FBLN2: variants seen among roughly 807,000 people sequenced by gnomAD.
FBLN2 encodes fibulin-2.
Under a neutral mutation model 123.7 loss-of-function variants are expected in FBLN2, and 81 were observed. That is an observed-to-expected ratio of 0.65 (90% CI 0.55 to 0.79). The LOEUF (loss-of-function observed/expected upper bound fraction) is 0.79, where lower values mean the gene tolerates loss of function less well. Among genes scored for constraint, FBLN2 ranks in the 30% least tolerant of loss-of-function variants. The pLI is 0.00. For synonymous variants in FBLN2, 699 were observed against 701.4 expected (o/e 1.00, Z 0.05); for missense variants, 1,603 against 1,681.3 (o/e 0.95, Z 0.81).
intron 2 of FBLN2, among the ~76,000 whole-genome samples, chr3:13,575,750 C>A (rs1402271658): frequency 6.6e-6 from 1 of 152,122 alleles, no homozygotes; most frequent in Non-Finnish European, 1.5e-5. Flanking sequence ...ACTGCATGCA[C>A]CACGCTTCTG....
chr3:13,583,377 G>T (rs888910072), intron 2 of FBLN2, among the ~76,000 whole-genome samples: 1 of 152,284 alleles, frequency 6.6e-6, no homozygotes, highest in Non-Finnish European at 1.5e-5. Context: ...ATTGTCCATG[G>T]TTCCTGAAAC....
At chr3:13,564,173 G>A (rs1354730999) in intron 1 of FBLN2, among the ~76,000 whole-genome samples, 1 of 152,168 alleles carries the variant, frequency 6.6e-6, no homozygotes, top group Non-Finnish European at 1.5e-5. Flanking sequence ...AACAGGCTGG[G>A]TGGCTGGTTT....
chr3:13,631,531 C>T, intron 16 of FBLN2, 74 bp downstream of exon 16: 1 of 1,493,282 alleles, frequency 6.7e-7, no homozygotes, highest in Non-Finnish European at 9.0e-7. Flanking sequence ...CAGAAAAGCT[C>T]ACACAGCTTG....
chr3:13,550,844 C>T (rs1388452164), intron 1 of FBLN2, among the ~76,000 whole-genome samples: 10 of 152,198 alleles, frequency 6.6e-5, no homozygotes, highest in African/African-American at 2.4e-4. Context: ...CTGCCAGCCC[C>T]GGCTGTGGCT....
rs1360203319 is a variant in FBLN2, at chr3:13,570,871, C to A, written c.516C>A (p.Tyr172Ter). The A allele has an allele frequency of 3.1e-6, 5 of 1,611,216 alleles. No individual in the cohort carries two copies. The highest frequency in any genetic ancestry group is 4.2e-6 in the Non-Finnish European group (5 of 1,179,068). Residue 172 changes from tyrosine (Y) to a stop codon, truncating the protein, a stop_gained, in exon 2 of 18, where the codon TAC becomes TAA. Transcript: ENST00000404922. LOFTEE classifies it high-confidence loss of function. ...CPDAGGELIC[Y>*]QLPGCHGNFS... is the part of the protein sequence containing the mutation. The stretch of plus-strand genomic sequence containing the variant: ...ACGCCGGTGGAGAGCTCATCTGCTA[C>A]CAGCTCCCCGGTTGCCACGGGAACT...
In FBLN2 at chr3:13,567,797, T is replaced by G. The variant is rs200126157; in HGVS notation, c.-41-2518T>G. On this transcript the variant is annotated intron_variant, in intron 1 of 17. Transcript: ENST00000404922. ...AATCTGGGCAACACAGTGAGACCCT[T>G]GTTAAAAAAAATTAGCTGGGTGTAG... 1.2e-3 allele frequency among the ~76,000 whole-genome samples: 64 copies of G among 53,040 alleles called. 1 individual carries two copies. In the South Asian group the frequency reaches 0.12, roughly 98 times the overall value. The allele number at this position is 53,040 out of a possible 152,430, so 34.8% of individuals were successfully genotyped here.
intron 2 of FBLN2, among the ~76,000 whole-genome samples, chr3:13,576,901 C>A (rs1443882202): frequency 6.6e-6 from 1 of 152,166 alleles, no homozygotes; most frequent in Non-Finnish European, 1.5e-5. Context: ...TGGGAATTAT[C>A]TGCTGTAATG....
chr3:13,626,298 C>A, intron 9 of FBLN2, 147 bp from the exon 10 acceptor site: 2 of 747,330 alleles, frequency 2.7e-6, no homozygotes, highest in Non-Finnish European at 4.1e-6. Context: ...GTTTGGGTGC[C>A]GAGACATCAG....
intron 2 of FBLN2, among the ~76,000 whole-genome samples, chr3:13,583,481 C>G (rs1371542375): frequency 1.3e-5 from 2 of 152,248 alleles, no homozygotes; most frequent in Non-Finnish European, 2.9e-5. Flanking sequence ...GCCTGGCTGC[C>G]CAGTGTGAGC....
chr3:13,609,540 C>T lies in FBLN2; in HGVS notation c.1446C>T (p.Ser482=). 2 of 1,551,708 alleles carry T rather than the reference C, an allele frequency of 1.3e-6. No homozygotes were observed. The highest frequency in any genetic ancestry group is 1.7e-6 in the Non-Finnish European group (2 of 1,147,234). ...CRTAQRHCCV[S]YLQEKSCMAG... is the part of the protein sequence containing the mutation. ...CAGCCCAGAGGCACTGCTGTGTCTC[C>T]TACTTGCAGGAGAAGAGCTGCATGG... is the stretch of plus-strand genomic sequence containing the variant. The change falls in exon 4 of 18, where the codon TCC becomes TCT. Residue 482 remains serine (S), a synonymous_variant. Coordinates refer to ENST00000404922, the MANE Select transcript of FBLN2 (RefSeq NM_001004019.2).
chr3:13,620,984 C>T (rs900481342), intron 8 of FBLN2, among the ~76,000 whole-genome samples: 3 of 152,366 alleles, frequency 2.0e-5, no homozygotes, highest in East Asian at 1.9e-4. Flanking sequence ...CTCTGGGCCC[C>T]GCCCCCCATC....
At chr3:13,579,139 T>C (rs564906004) in intron 2 of FBLN2, among the ~76,000 whole-genome samples, 1 of 152,342 alleles carries the variant, frequency 6.6e-6, no homozygotes, top group South Asian at 2.1e-4. Context: ...GGTTCCAGTT[T>C]CTTCACATCC....
intron 11 of FBLN2, among the ~76,000 whole-genome samples, chr3:13,628,444 C>T (rs1304744425): frequency 6.6e-6 from 1 of 152,098 alleles, no homozygotes; most frequent in Non-Finnish European, 1.5e-5. Flanking sequence ...ATGCCGTACT[C>T]GAGGGTTGAG....
chr3:13,570,297 C>G lies in FBLN2; in HGVS notation c.-41-18C>G. On this transcript the variant is annotated intron_variant, in intron 1 of 17. Transcript: ENST00000404922. The stretch of plus-strand genomic sequence containing the variant: ...GTGCACACCCAGTACTGACAGGCTT[C>G]CTTTCTGATTCCCCCAGGGTCTTAC... The G allele has an allele frequency of 6.8e-7, 1 of 1,460,992 alleles. No individual in the cohort carries two copies. The highest frequency in any genetic ancestry group is 9.1e-7 in the Non-Finnish European group (1 of 1,104,180). The allele number at this position is 1,460,992 out of a possible 1,614,324, so 90.5% of individuals were successfully genotyped here.
chr3:13,638,071 C>A lies in FBLN2; in HGVS notation c.*152C>A. ...CTGTGGCTTCTGGACCCCTCCTCTG[C>A]CCCGCAGGAGGAAGTTCCACGGCAG... On this transcript the variant is annotated 3_prime_UTR_variant, in exon 18 of 18. Coordinates refer to ENST00000404922, the MANE Select transcript of FBLN2 (RefSeq NM_001004019.2). The A allele has an allele frequency of 1.3e-6, 1 of 747,630 alleles. No individual in the cohort carries two copies. 46.3% of individuals were successfully genotyped at this position (747,630 alleles called of 1,614,324 possible).
At chr3:13,568,179 C>A (rs571880508) in intron 1 of FBLN2, among the ~76,000 whole-genome samples, 7 of 152,160 alleles carry the variant, frequency 4.6e-5, no homozygotes, top group African/African-American at 1.7e-4. Flanking sequence ...CCTAGCACTC[C>A]GCCGGCCCTG....
At chr3:13,579,704 T>C (rs1704260946) in intron 2 of FBLN2, among the ~76,000 whole-genome samples, 1 of 152,262 alleles carries the variant, frequency 6.6e-6, no homozygotes, top group African/African-American at 2.4e-5. Flanking sequence ...TACTGATGGA[T>C]ATTCAGGTTG....
At chr3:13,589,209 TA>T (rs1704595439) in intron 2 of FBLN2, among the ~76,000 whole-genome samples, 1 of 152,176 alleles carries the variant, frequency 6.6e-6, no homozygotes, top group Admixed American at 6.5e-5. Context: ...AGTTGGCCCC[TA>T]GACATCGCAA....
intron 1 of FBLN2, chr3:13,566,617 TC>T (rs1360374543): frequency 6.6e-6 from 1 of 152,142 alleles, no homozygotes; most frequent in East Asian, 1.9e-4. Flanking sequence ...GATGGTCCTT[TC>T]CCCTCCTGAG....
Sources: allele counts gnomAD v4.1 joint callset (sites outside exome capture counted in the v4.1 genomes callset), GRCh38; gene constraint gnomAD v4.1.1; transcripts MANE v1.5; gene names NCBI Gene and HGNC (gene_info 2026-07-23, HGNC 2026-07-21).